The following QSOX1 variants were observed in gnomAD, a reference collection of about 807,000 sequenced individuals.
QSOX1 encodes quiescin sulfhydryl oxidase 1, also known as sulfhydryl oxidase 1.
A neutral mutation model predicts 76.1 loss-of-function variants in QSOX1; 40 were observed. The observed-to-expected ratio is 0.53, with a 90% CI of 0.41 to 0.68. The LOEUF (loss-of-function observed/expected upper bound fraction) is 0.68, where lower values mean the gene tolerates loss of function less well. Among genes scored for constraint, QSOX1 ranks in the 30% least tolerant of loss-of-function variants. The pLI, the probability that QSOX1 is intolerant of heterozygous loss-of-function variation, is 0.00. For synonymous variants in QSOX1, 392 were observed against 413.1 expected, an observed-to-expected ratio of 0.95 and a Z score of 0.62; for missense variants, 931 against 974.3, an observed-to-expected ratio of 0.96 and a Z score of 0.59.
At chr1:180,163,870 A>G (rs1662550049) in intron 1 of QSOX1, among the ~76,000 whole-genome samples, 2 of 152,216 alleles carry the variant, frequency 1.3e-5, no homozygotes, top group African/African-American at 4.8e-5. Flanking sequence ...GGTGGAGCAC[A>G]TTAGAACCTC....
intron 5 of QSOX1, among the ~76,000 whole-genome samples, chr1:180,180,351 C>T (rs1662999744): frequency 6.6e-6 from 1 of 152,100 alleles, no homozygotes; most frequent in Non-Finnish European, 1.5e-5. Flanking sequence ...GCTGGGATTA[C>T]AGGCATGCAC....
intron 8 of QSOX1, among the ~76,000 whole-genome samples, chr1:180,187,641 A>C (rs1458820231): frequency 1.3e-5 from 2 of 152,242 alleles, no homozygotes; most frequent in Non-Finnish European, 2.9e-5. Context: ...GATACAGAAA[A>C]GTCCCTGAGC....
intron 4 of QSOX1, among the ~76,000 whole-genome samples, chr1:180,176,773 C>A (rs924794915): frequency 4.6e-5 from 7 of 152,358 alleles, no homozygotes; most frequent in Admixed American, 1.3e-4. Context: ...AATCCATGTA[C>A]CAGCAGGAGC....
Position 180,189,552 on chromosome 1 carries a change from T to C in QSOX1, c.1018T>C (p.Tyr340His). ...AGCTTCCGCTTGTTCCTCCCCACAGTATTTCCCTGGCCGGCCCTTAGTCCA... is the reference window on the plus strand; with the variant it reads ...AGCTTCCGCTTGTTCCTCCCCACAGCATTTCCCTGGCCGGCCCTTAGTCCA... ...LKKFVAVLAK[Y>H]FPGRPLVQNF... Residue 340 changes from tyrosine to histidine, a missense_variant and splice_region_variant, in exon 9 of 12, where the codon TAT becomes CAT. Tyr to His is a moderately conservative substitution (Grantham distance 83, BLOSUM62 2). Coordinates refer to ENST00000367602, the MANE Select transcript of QSOX1 (RefSeq NM_002826.5). 6.3e-7 allele frequency: 1 copy of C among 1,598,252 alleles called. No homozygotes were observed. The highest frequency in any genetic ancestry group is 8.5e-7 in the Non-Finnish European group (1 of 1,169,640).
At chr1:180,176,111 C>G in intron 4 of QSOX1, 78 bp downstream of exon 4, 3 of 1,199,622 alleles carry the variant, frequency 2.5e-6, no homozygotes, top group Non-Finnish European at 3.6e-6. Context: ...GTGGGAACAG[C>G]AGGGCGGGGA....
chr1:180,190,445 G>A lies in QSOX1; in HGVS notation c.1153G>A (p.Ala385Thr). ...LDDRKEGAVL[A>T]KKVNWIGCQG... ...ATGTGTCCCTCAGGGTGCCGTTCTT[G>A]CCAAGAAGGTGAACTGGATTGGCTG... Residue 385 changes from alanine to threonine, a missense_variant, in exon 10 of 12, where the codon GCC becomes ACC. Coordinates refer to ENST00000367602, the MANE Select transcript of QSOX1 (RefSeq NM_002826.5). The A allele has an allele frequency of 1.2e-6, 2 of 1,613,810 alleles. No homozygotes were observed. Among genetic ancestry groups the A allele is most frequent in the Non-Finnish European group, 1.7e-6 (2 of 1,179,696 alleles).
At position 180,198,050 on chromosome 1, in the gene QSOX1, T is replaced by C. The variant is rs1663547400; in HGVS notation, c.*1013T>C. ...GTTAAGGCAAGCATTGGTGTGTTCT[T>C]TAACTTGCTACTTGGAGACCTAGTG... On this transcript the variant is annotated 3_prime_UTR_variant, in exon 12 of 12. Coordinates refer to ENST00000367602, the MANE Select transcript of QSOX1 (RefSeq NM_002826.5). The C allele has an allele frequency of 2.5e-6, 1 of 394,330 alleles. No homozygotes were observed. Among genetic ancestry groups the C allele is most frequent in the African/African-American group, 2.1e-5 (1 of 48,354 alleles). The allele number at this position is 394,330 out of a possible 1,614,324, so 24.4% of individuals were successfully genotyped here. A position where few individuals can be genotyped will look rare whatever the true frequency, so the allele number is the denominator to read the frequency against.
chr1:180,174,443 A>G (rs1218081978), intron 2 of QSOX1, among the ~76,000 whole-genome samples: 1 of 152,232 alleles, frequency 6.6e-6, no homozygotes, highest in African/African-American at 2.4e-5. Flanking sequence ...CCGCTTCAAG[A>G]GAACCTGTTC....
chr1:180,167,537 G>C (rs953621837), intron 2 of QSOX1, among the ~76,000 whole-genome samples: 1 of 152,138 alleles, frequency 6.6e-6, no homozygotes, highest in Non-Finnish European at 1.5e-5. Flanking sequence ...GCATCCATCC[G>C]GGAAGTAAGG....
Position 180,154,872 on chromosome 1 carries a change from C to G in QSOX1, c.-36C>G. ...CCGCGGCGCCGGGACCCGACTCATC[C>G]GGTGCTTGCGTGTGGTGGTGAGCGC... On this transcript the variant is annotated 5_prime_UTR_variant, in exon 1 of 12. Coordinates refer to ENST00000367602, the MANE Select transcript of QSOX1 (RefSeq NM_002826.5). 1 of 1,354,552 alleles carries G rather than the reference C, an allele frequency of 7.4e-7. No individual in the cohort carries two copies. 83.9% of individuals were successfully genotyped at this position (1,354,552 alleles called of 1,614,324 possible). A position where few individuals can be genotyped will look rare whatever the true frequency, so the allele number is the denominator to read the frequency against.
rs1205029250 is a variant in QSOX1, at chr1:180,189,741, C to T, written c.1140+67C>T. ...TTTATGAGAGTGCAAGGGGTTAACC[C>T]TGTCATTTCTGACCTTCTTCGCCAG... On this transcript the variant is annotated intron_variant, in intron 9 of 11. Transcript: ENST00000367602. 6 of 1,528,362 alleles carry T rather than the reference C, an allele frequency of 3.9e-6. No individual in the cohort carries two copies. In the African/African-American group the frequency reaches 5.5e-5, roughly 14 times the overall value. The allele number at this position is 1,528,362 out of a possible 1,614,324, so 94.7% of individuals were successfully genotyped here. A position where few individuals can be genotyped will look rare whatever the true frequency, so the allele number is the denominator to read the frequency against.
At chr1:180,172,637 A>G (rs1367945849) in intron 2 of QSOX1, among the ~76,000 whole-genome samples, 4 of 152,172 alleles carry the variant, frequency 2.6e-5, no homozygotes, top group Admixed American at 6.5e-5. Flanking sequence ...CTCCTGCCTC[A>G]GTCTCCTGAG....
At chr1:180,178,711 C>T (rs1401096245) in intron 4 of QSOX1, 83 bp from the exon 5 acceptor site, 11 of 1,255,830 alleles carry the variant, frequency 8.8e-6, no homozygotes, top group African/African-American at 1.5e-5. Context: ...TGCAGCACTG[C>T]ATCACCAGCG....
Position 180,189,573 on chromosome 1 carries a change from G to A in QSOX1, c.1039G>A (p.Val347Ile). 1 of 1,612,538 alleles carries A rather than the reference G, an allele frequency of 6.2e-7. No homozygotes were observed. Among genetic ancestry groups the A allele is most frequent in the South Asian group, 1.1e-5 (1 of 91,052 alleles). Reference protein sequence around the residue: ...LAKYFPGRPLVQNFLHSVNEW... With the variant: ...LAKYFPGRPLIQNFLHSVNEW... ...ACAGTATTTCCCTGGCCGGCCCTTA[G>A]TCCAGAACTTCCTGCACTCCGTGAA... The change falls in exon 9 of 12, where the codon GTC becomes ATC. Residue 347 changes from valine to isoleucine, a missense_variant. Val to Ile is a conservative substitution (Grantham distance 29). Coordinates refer to ENST00000367602, the MANE Select transcript of QSOX1 (RefSeq NM_002826.5).
At chr1:180,193,185 T>C (rs1225451980) in intron 10 of QSOX1, among the ~76,000 whole-genome samples, 2 of 151,932 alleles carry the variant, frequency 1.3e-5, no homozygotes, top group African/African-American at 4.8e-5. Context: ...GTTGGAATGA[T>C]CCCTTATCAG....
At chr1:180,161,996 A>G (rs1662503043) in intron 1 of QSOX1, among the ~76,000 whole-genome samples, 1 of 152,254 alleles carries the variant, frequency 6.6e-6, no homozygotes, top group Non-Finnish European at 1.5e-5. Flanking sequence ...CATCAGAATA[A>G]AGCAATTAAC....
intron 8 of QSOX1, among the ~76,000 whole-genome samples, chr1:180,189,217 C>T (rs1332210826): frequency 6.6e-6 from 1 of 152,194 alleles, no homozygotes. Flanking sequence ...TCCAGCCTTC[C>T]TCCCAGTGGT....
rs1268949879 is a variant in QSOX1, at chr1:180,176,041, G to A, written c.515+8G>A. ...CCCACTGGAGCCTGCCAAGTACTTT[G>A]GGCTGGGGCAGGCTTAGTGCATTGT... is the stretch of plus-strand genomic sequence containing the variant. On this transcript the variant is annotated splice_region_variant and intron_variant, in intron 4 of 11. Coordinates refer to ENST00000367602, the MANE Select transcript of QSOX1 (RefSeq NM_002826.5). 2 of 1,577,316 alleles carry A rather than the reference G, an allele frequency of 1.3e-6. No individual in the cohort carries two copies. Among genetic ancestry groups the A allele is most frequent in the Admixed American group, 1.9e-5 (1 of 54,042 alleles).
At chr1:180,183,253 A>T (rs1334474908) in intron 6 of QSOX1, among the ~76,000 whole-genome samples, 1 of 151,810 alleles carries the variant, frequency 6.6e-6, no homozygotes, top group Non-Finnish European at 1.5e-5. Context: ...GGCAGCCCTC[A>T]CGCTGCTGCT....
Sources: gnomAD v4.1 joint callset for allele counts (sites outside exome capture counted in the v4.1 genomes callset) on GRCh38, gnomAD v4.1.1 for gene constraint, MANE v1.5 for transcripts, NCBI Gene and HGNC (gene_info 2026-07-23, HGNC 2026-07-21) for gene names.